Variants in MFN2 observed in about 807,000 individuals in gnomAD.
The protein encoded by MFN2 is mitofusin 2.
In MFN2, 43 loss-of-function variants were observed where a neutral mutation model predicts 87.5. The ratio of observed to expected loss-of-function variants is 0.49; its 90% CI spans 0.38 to 0.63. MFN2 has a LOEUF of 0.63. Among genes scored for constraint, MFN2 ranks in the 30% least tolerant of loss-of-function variants. MFN2 has a pLI of 0.00. For missense variants in MFN2, 743 were observed against 972.8 expected (o/e 0.76, Z 3.14); for synonymous variants, 337 against 359.9 (o/e 0.94, Z 0.72).
intron 2 of MFN2, among the ~76,000 whole-genome samples, chr1:11,987,936 G>A (rs377305705): frequency 6.6e-6 from 1 of 152,168 alleles, no homozygotes; most frequent in Admixed American, 6.5e-5. Context: ...AGGTAACAGC[G>A]AGATCTTGTC....
chr1:11,994,138 C>T (rs575878743), intron 4 of MFN2, among the ~76,000 whole-genome samples: 2 of 152,358 alleles, frequency 1.3e-5, no homozygotes, highest in South Asian at 4.1e-4. Context: ...AAAGTACCCA[C>T]ATTTACTATA....
chr1:12,003,847 G>A lies in MFN2; in HGVS notation c.1161-145G>A. 9.7e-7 allele frequency: 1 copy of A among 1,033,674 alleles called. No individual in the cohort carries two copies. The highest frequency in any genetic ancestry group is 1.5e-6 in the Non-Finnish European group (1 of 669,040). 64.0% of individuals were successfully genotyped at this position (1,033,674 alleles called of 1,614,324 possible). On this transcript the variant is annotated intron_variant, in intron 11 of 18. Transcript: ENST00000235329. The surrounding 1 kb of genome is among the most constrained non-coding windows in gnomAD (Gnocchi z 4.1). ...GCAGGGTCCTCTTCTTACCTGGGAA[G>A]GGGAAGGCCATGCCCCTGGGTGCGT... is the stretch of plus-strand genomic sequence containing the variant.
intron 2 of MFN2, 148 bp downstream of exon 2, chr1:11,982,262 A>G (rs1406230637): frequency 6.6e-6 from 1 of 152,144 alleles, no homozygotes; most frequent in Non-Finnish European, 1.5e-5. Flanking sequence ...AAACTACCGT[A>G]TCTTTTACTT....
In MFN2 at chr1:12,007,250, G is replaced by GT; in HGVS notation, c.2069+2dup. ...CCAACTGCAGCCACCAAGTCCAGCA[G>GT]TGAGTGGCCCTGTCGGACCCCAGCA... On this transcript the variant is annotated splice_donor_variant, in intron 17 of 18. Coordinates refer to ENST00000235329, the MANE Select transcript of MFN2 (RefSeq NM_014874.4). LOFTEE classifies it high-confidence loss of function. 1.9e-6 allele frequency: 3 copies of GT among 1,613,834 alleles called. No homozygotes were observed. The highest frequency in any genetic ancestry group is 2.5e-6 in the Non-Finnish European group (3 of 1,179,938).
intron 2 of MFN2, 84 bp from the exon 3 acceptor site, chr1:11,989,081 C>T (rs1638554922): frequency 4.1e-6 from 6 of 1,453,786 alleles, no homozygotes; most frequent in South Asian, 2.3e-5. Context: ...ATTCTTGATT[C>T]TCCCCAAAGC....
In MFN2 at chr1:12,001,353, C is replaced by T. The variant is rs1156275537; in HGVS notation, c.817-48C>T. 3.1e-6 allele frequency: 5 copies of T among 1,608,942 alleles called. No homozygotes were observed. In the African/African-American group the frequency reaches 5.3e-5, roughly 17 times the overall value. ...TTTTAATAAAAGAGGCAGGTGGGGG[C>T]TGTGGGGCCACCTACACTCACTCTG... On this transcript the variant is annotated intron_variant, in intron 8 of 18. Transcript: ENST00000235329.
intron 2 of MFN2, among the ~76,000 whole-genome samples, chr1:11,985,455 CTTTTTT>C (rs774330626): frequency 1.6e-4 from 19 of 119,706 alleles, no homozygotes; most frequent in African/African-American, 6.0e-4. Context: ...TCCTTGATCC[CTTTTTT>C]TTTTTTTTTT....
chr1:11,996,134 G>T, intron 4 of MFN2, 22 bp from the exon 5 acceptor site: 1 of 1,614,124 alleles, frequency 6.2e-7, no homozygotes, highest in South Asian at 1.1e-5. Context: ...TGGCTTTGCT[G>T]ACAGCTGTTA....
chr1:11,996,436 G>A, intron 5 of MFN2, 118 bp downstream of exon 5: 1 of 1,229,752 alleles, frequency 8.1e-7, no homozygotes, highest in Non-Finnish European at 1.2e-6. Flanking sequence ...AGGTGAATGG[G>A]AGACCCTATT....
Position 11,997,147 on chromosome 1 carries a change from A to G in MFN2, c.475-150A>G, listed in dbSNP as rs193013768. On this transcript the variant is annotated intron_variant, in intron 5 of 18. Coordinates refer to ENST00000235329, the MANE Select transcript of MFN2 (RefSeq NM_014874.4). ...TGAAGAAAGTGGGTTCTTATTGACA[A>G]CTCCCAGCTGTTAACTTTTTATATG... The G allele has an allele frequency of 7.6e-6, 9 of 1,188,306 alleles. No homozygotes were observed. In the East Asian group the frequency reaches 7.7e-5, roughly 10 times the overall value. The allele number at this position is 1,188,306 out of a possible 1,614,324, so 73.6% of individuals were successfully genotyped here. A position where few individuals can be genotyped will look rare whatever the true frequency, so the allele number is the denominator to read the frequency against.
At chr1:11,999,197 A>G in intron 8 of MFN2, 102 bp downstream of exon 8, 1 of 926,438 alleles carries the variant, frequency 1.1e-6, no homozygotes, top group Non-Finnish European at 1.8e-6. Context: ...ACTTCCCTGA[A>G]TTAATTTTAT....
At position 12,013,233 on chromosome 1, in the gene MFN2, T is replaced by C. The variant is rs183920451; in HGVS notation, c.*1668T>C. 3 of 356,008 alleles carry C rather than the reference T, an allele frequency of 8.4e-6. No homozygotes were observed. Among genetic ancestry groups the C allele is most frequent in the Non-Finnish European group, 5.8e-6 (1 of 171,636 alleles). The allele number at this position is 356,008 out of a possible 1,614,324, so 22.1% of individuals were successfully genotyped here. A position where few individuals can be genotyped will look rare whatever the true frequency, so the allele number is the denominator to read the frequency against. On this transcript the variant is annotated 3_prime_UTR_variant, in exon 19 of 19. Coordinates refer to ENST00000235329, the MANE Select transcript of MFN2 (RefSeq NM_014874.4). ...CTTTAGCGTAAACATGAATTTTTTT[T>C]CAATGTAGCCCCTGGGGAATGAATG...
intron 8 of MFN2, among the ~76,000 whole-genome samples, chr1:12,000,107 A>C (rs914457696): frequency 2.0e-5 from 3 of 152,136 alleles, no homozygotes; most frequent in Admixed American, 6.5e-5. Flanking sequence ...ACAAAAAATA[A>C]TTAAACAAAT....
In MFN2 at chr1:12,013,220, C is replaced by A; in HGVS notation, c.*1655C>A. ...AAAAAAAAAAATTCTTTAGCGTAAA[C>A]ATGAATTTTTTTTCAATGTAGCCCC... is the stretch of plus-strand genomic sequence containing the variant. On this transcript the variant is annotated 3_prime_UTR_variant, in exon 19 of 19. Coordinates refer to ENST00000235329, the MANE Select transcript of MFN2 (RefSeq NM_014874.4). 2.9e-6 allele frequency: 1 copy of A among 344,396 alleles called. No individual in the cohort carries two copies. Among genetic ancestry groups the A allele is most frequent in the Non-Finnish European group, 6.0e-6 (1 of 167,476 alleles). The allele number at this position is 344,396 out of a possible 1,614,324, so 21.3% of individuals were successfully genotyped here.
chr1:11,982,307 G>A (rs748883322), intron 2 of MFN2, among the ~76,000 whole-genome samples, 193 bp downstream of exon 2: 1 of 152,166 alleles, frequency 6.6e-6, no homozygotes, highest in Non-Finnish European at 1.5e-5. Flanking sequence ...TAGAGAGCCT[G>A]TTTAAAAGTT....
At chr1:12,009,165 G>A (rs1185679840) in intron 17 of MFN2, among the ~76,000 whole-genome samples, 55 of 152,130 alleles carry the variant, frequency 3.6e-4, no homozygotes, top group South Asian at 2.1e-4. Flanking sequence ...GTCCAGCTTC[G>A]GCTCGGCATC....
chr1:11,998,759 G>A lies in MFN2; in HGVS notation c.600-11G>A, dbSNP rs1215662000. 20 of 1,613,486 alleles carry A rather than the reference G, an allele frequency of 1.2e-5. No homozygotes were observed. The highest frequency in any genetic ancestry group is 2.2e-5 in the South Asian group (2 of 91,066). On this transcript the variant is annotated splice_polypyrimidine_tract_variant and intron_variant, in intron 6 of 18. Transcript: ENST00000235329. Reference sequence around the variant, plus strand: ...CTGCCTGATGATTTGGTTTACCCCTGTCACCTTTAGCCCTGGTATTGATGT... The same window carrying A: ...CTGCCTGATGATTTGGTTTACCCCTATCACCTTTAGCCCTGGTATTGATGT...
rs774988978 is a variant in MFN2 at position 12,006,645 on chromosome 1, C to T, written c.1824C>T (p.Ala608=). Residue 608 remains alanine, a synonymous_variant, in exon 16 of 19, where the codon GCC becomes GCT. Transcript: ENST00000235329. ...EFMVSMVTGL[A]SLTSRTSMGI... The stretch of plus-strand genomic sequence containing the variant: ...TGGTTTCCATGGTTACCGGCCTGGC[C>T]TCCTTGACATCCAGGACCTCCATGG... 1.9e-6 allele frequency: 3 copies of T among 1,614,180 alleles called. No individual in the cohort carries two copies. Among genetic ancestry groups the T allele is most frequent in the Admixed American group, 1.7e-5 (1 of 60,020 alleles).
Position 12,003,974 on chromosome 1 carries a change from C to A in MFN2, c.1161-18C>A. 3 of 1,614,142 alleles carry A rather than the reference C, an allele frequency of 1.9e-6. No individual in the cohort carries two copies. The highest frequency in any genetic ancestry group is 2.5e-6 in the Non-Finnish European group (3 of 1,180,000). On this transcript the variant is annotated intron_variant, in intron 11 of 18. Coordinates refer to ENST00000235329, the MANE Select transcript of MFN2 (RefSeq NM_014874.4). This position sits in a 1 kb window ranked among gnomAD's most constrained non-coding sequence, Gnocchi z 4.1. ...GTCAGACAGGAACATGGATTTCTCACCAGTACTCTGCTTTCAGGGTTTACT... is the reference window on the plus strand; with the variant it reads ...GTCAGACAGGAACATGGATTTCTCAACAGTACTCTGCTTTCAGGGTTTACT...
Sources: allele counts gnomAD v4.1 joint callset (sites outside exome capture counted in the v4.1 genomes callset), GRCh38; gene constraint gnomAD v4.1.1; non-coding constraint Gnocchi (gnomAD v3.1); transcripts MANE v1.5; gene names NCBI Gene and HGNC (gene_info 2026-07-23, HGNC 2026-07-21).